Variants in CHST11 observed in about 807,000 individuals in gnomAD.
CHST11 encodes carbohydrate sulfotransferase 11, also known as C4S-1.
Under a neutral mutation model 30.4 loss-of-function variants are expected in CHST11, and 9 were observed. The observed-to-expected ratio is 0.30, with a 90% confidence interval of 0.18 to 0.52. The LOEUF (loss-of-function observed/expected upper bound fraction) is 0.52. Among genes scored for constraint, CHST11 ranks in the 20% least tolerant of loss-of-function variants. CHST11 has a pLI of 0.97. For missense variants in CHST11, 348 were observed against 460.6 expected (o/e 0.76, Z 2.24); for synonymous variants, 152 against 187.8 (o/e 0.81, Z 1.56).
chr12:104,549,107 G>A (rs2038380558), intron 1 of CHST11, among the ~76,000 whole-genome samples: 1 of 152,170 alleles, frequency 6.6e-6, no homozygotes, highest in African/African-American at 2.4e-5. Flanking sequence ...ATATGATTGC[G>A]GTAAAGCGTC....
Position 104,758,030 on chromosome 12 carries a change from G to A in CHST11, c.*227G>A. On this transcript the variant is annotated 3_prime_UTR_variant, in exon 3 of 3. Coordinates refer to ENST00000303694, the MANE Select transcript of CHST11 (RefSeq NM_018413.6). ...CTGTAGAAGTGAATACTGCAACACT[G>A]TCTCAAAGGTTTCTTGTGTTCTGGT... is the stretch of plus-strand genomic sequence containing the variant. 4.3e-6 allele frequency: 2 copies of A among 469,502 alleles called. No individual in the cohort carries two copies. The highest frequency in any genetic ancestry group is 6.9e-5 in the South Asian group (2 of 28,874). The allele number at this position is 469,502 out of a possible 1,614,324, so 29.1% of individuals were successfully genotyped here.
At chr12:104,549,409 G>C (rs1356952850) in intron 1 of CHST11, among the ~76,000 whole-genome samples, 2 of 152,174 alleles carry the variant, frequency 1.3e-5, no homozygotes, top group Admixed American at 6.5e-5. Context: ...GGAGAAAGAG[G>C]GCAAGAACTG....
At chr12:104,470,824 C>A (rs2037501806) in intron 1 of CHST11, among the ~76,000 whole-genome samples, 1 of 152,188 alleles carries the variant, frequency 6.6e-6, no homozygotes, top group Non-Finnish European at 1.5e-5. Flanking sequence ...TGACAGCAAA[C>A]ACTGTACTCT....
In CHST11 at chr12:104,595,190, A is replaced by G. The variant is rs138528994; in HGVS notation, c.119-6716A>G. 2.5e-4 allele frequency among the ~76,000 whole-genome samples: 38 copies of G among 152,258 alleles called. No homozygotes were observed. The East Asian group carries it at 6.8e-3, about 27-fold the overall frequency. The stretch of plus-strand genomic sequence containing the variant: ...TGTGGCCCATGCCCCACTGAGCTAC[A>G]GACTACCAGCTCTGCTTCTATATAA... On this transcript the variant is annotated intron_variant, in intron 1 of 2. Coordinates refer to ENST00000303694, the MANE Select transcript of CHST11 (RefSeq NM_018413.6).
intron 2 of CHST11, among the ~76,000 whole-genome samples, chr12:104,661,404 C>A (rs12426757): frequency 0.27 from 40,259 of 150,836 alleles, 5,511 homozygotes; most frequent in Middle Eastern, 0.35. Context: ...ACTACTACTA[C>A]TAATAATAAT....
chr12:104,591,039 G>A (rs2038853076), intron 1 of CHST11, among the ~76,000 whole-genome samples: 2 of 152,190 alleles, frequency 1.3e-5, no homozygotes, highest in African/African-American at 4.8e-5. Flanking sequence ...CGGTCAGAGG[G>A]CAGAGTAAAG....
chr12:104,502,800 G>A (rs4964811), intron 1 of CHST11, among the ~76,000 whole-genome samples: 10 of 152,002 alleles, frequency 6.6e-5, no homozygotes, highest in African/African-American at 1.9e-4. Flanking sequence ...CAAGCACTAC[G>A]GAGGCCCAGA....
chr12:104,591,941 C>T (rs1425224690), intron 1 of CHST11, among the ~76,000 whole-genome samples: 1 of 152,064 alleles, frequency 6.6e-6, no homozygotes, highest in East Asian at 1.9e-4. Context: ...GGCCAGGAAT[C>T]AGGAGATCTT....
intron 1 of CHST11, among the ~76,000 whole-genome samples, chr12:104,474,306 A>C (rs2037537405): frequency 6.6e-6 from 1 of 152,230 alleles, no homozygotes; most frequent in Non-Finnish European, 1.5e-5. Context: ...TGAACAGGCA[A>C]TCTTTTAGTT....
At chr12:104,755,375 A>C (rs190315268) in intron 2 of CHST11, among the ~76,000 whole-genome samples, 3 of 152,314 alleles carry the variant, frequency 2.0e-5, no homozygotes, top group Non-Finnish European at 4.4e-5. Context: ...TGAGAAAACC[A>C]AGAATGAACT....
At chr12:104,647,898 G>A (rs568138837) in intron 2 of CHST11, among the ~76,000 whole-genome samples, 5 of 152,318 alleles carry the variant, frequency 3.3e-5, no homozygotes, top group Middle Eastern at 3.4e-3. Context: ...ACTTTTCCAC[G>A]TGGCCTTTCC....
intron 1 of CHST11, among the ~76,000 whole-genome samples, chr12:104,495,287 G>A (rs1177019711): frequency 6.6e-6 from 1 of 152,128 alleles, no homozygotes; most frequent in African/African-American, 2.4e-5. Flanking sequence ...ACATAGGTGT[G>A]TAAATATCTC....
At chr12:104,579,806 T>A (rs1246211620) in intron 1 of CHST11, among the ~76,000 whole-genome samples, 1 of 152,220 alleles carries the variant, frequency 6.6e-6, no homozygotes, top group Non-Finnish European at 1.5e-5. Context: ...GTAATTTGAA[T>A]AACTGTTTAA....
chr12:104,683,864 C>T (rs2039820617), intron 2 of CHST11, among the ~76,000 whole-genome samples: 1 of 152,100 alleles, frequency 6.6e-6, no homozygotes, highest in Admixed American at 6.5e-5. Context: ...GGAAAATTCA[C>T]TATGATTAGA....
intron 1 of CHST11, among the ~76,000 whole-genome samples, chr12:104,541,407 C>T (rs959680556): frequency 5.3e-5 from 8 of 151,798 alleles, no homozygotes; most frequent in Non-Finnish European, 1.0e-4. Flanking sequence ...GGTCTGTGTT[C>T]GGTTTGTATA....
intron 1 of CHST11, among the ~76,000 whole-genome samples, chr12:104,507,609 G>A (rs2037919062): frequency 6.6e-6 from 1 of 152,324 alleles, no homozygotes; most frequent in Middle Eastern, 3.4e-3. Flanking sequence ...GTAAGTGTTT[G>A]TTGTTCACAC....
chr12:104,747,400 G>A (rs1326007867), intron 2 of CHST11, among the ~76,000 whole-genome samples: 2 of 152,206 alleles, frequency 1.3e-5, no homozygotes, highest in Admixed American at 1.3e-4. Context: ...CTCATAGAGT[G>A]TGAAGATCAA....
intron 1 of CHST11, among the ~76,000 whole-genome samples, chr12:104,472,498 A>G (rs1298229353): frequency 6.6e-6 from 1 of 152,174 alleles, no homozygotes; most frequent in East Asian, 1.9e-4. Flanking sequence ...TGTGCTATTG[A>G]GATCTTGACA....
chr12:104,546,744 T>C (rs2038354773), intron 1 of CHST11, among the ~76,000 whole-genome samples: 1 of 151,936 alleles, frequency 6.6e-6, no homozygotes, highest in South Asian at 2.1e-4. Context: ...CTTCCTCTTT[T>C]CCCCACTGGA....
Sources: gnomAD v4.1 joint callset for allele counts (sites outside exome capture counted in the v4.1 genomes callset) on GRCh38, gnomAD v4.1.1 for gene constraint, MANE v1.5 for transcripts, NCBI Gene and HGNC (gene_info 2026-07-23, HGNC 2026-07-21) for gene names.